Variants in PTPRM observed in about 807,000 individuals in gnomAD.
PTPRM encodes the protein protein tyrosine phosphatase receptor type M, also known as receptor-type tyrosine-protein phosphatase mu.
PTPRM carries 47 observed loss-of-function variants against 186.7 expected under a neutral mutation model. The observed-to-expected ratio is 0.25, with a 90% CI of 0.20 to 0.32. PTPRM has a LOEUF of 0.32. Ranked by LOEUF, PTPRM falls within the 10% of genes least tolerant of loss-of-function variation. The probability of loss-of-function intolerance (pLI) is 1.00; values close to 1 mark genes in which losing one functional copy is unlikely to be tolerated. For synonymous variants in PTPRM, 668 were observed against 674.9 expected (o/e 0.99, Z 0.16); for missense variants, 1,494 against 1,865.0 (o/e 0.80, Z 3.66).
At chr18:7,812,434 G>A (rs2044574761) in intron 2 of PTPRM, among the ~76,000 whole-genome samples, 1 of 152,164 alleles carries the variant, frequency 6.6e-6, no homozygotes, top group African/African-American at 2.4e-5. Context: ...ACATTTGTGG[G>A]ACTGATGGTG....
intron 5 of PTPRM, among the ~76,000 whole-genome samples, chr18:7,930,699 C>T (rs961472767): frequency 1.3e-5 from 2 of 152,068 alleles, no homozygotes; most frequent in Non-Finnish European, 2.9e-5. Flanking sequence ...ATCAAGGTGC[C>T]ATCCTGACCG....
chr18:7,846,203 TCA>T (rs2145888676), intron 2 of PTPRM, among the ~76,000 whole-genome samples: 1 of 152,276 alleles, frequency 6.6e-6, no homozygotes, highest in East Asian at 1.9e-4. Context: ...GAGTGTCCAC[TCA>T]CACGCCTGAA....
intron 19 of PTPRM, among the ~76,000 whole-genome samples, chr18:8,283,053 A>T (rs1036754579): frequency 2.2e-4 from 33 of 152,178 alleles, no homozygotes; most frequent in African/African-American, 8.0e-4. Context: ...AGACTAGTGG[A>T]TTCCAGGAAT....
chr18:8,031,190 C>T (rs899059811), intron 7 of PTPRM, among the ~76,000 whole-genome samples: 1 of 152,210 alleles, frequency 6.6e-6, no homozygotes, highest in Non-Finnish European at 1.5e-5. Context: ...GCTAATCACA[C>T]TCTTAAATCT....
intron 7 of PTPRM, among the ~76,000 whole-genome samples, chr18:8,043,163 T>C (rs1287227318): frequency 6.6e-6 from 1 of 152,146 alleles, no homozygotes; most frequent in East Asian, 1.9e-4. Flanking sequence ...GTATAGCCTG[T>C]TTTATCTTGG....
intron 13 of PTPRM, among the ~76,000 whole-genome samples, chr18:8,128,269 T>G (rs1047540906): frequency 1.3e-5 from 2 of 152,184 alleles, no homozygotes; most frequent in East Asian, 3.8e-4. Flanking sequence ...AAATGTAGTA[T>G]TCTGTAAATA....
chr18:8,320,755 C>T (rs2095340747), intron 22 of PTPRM, among the ~76,000 whole-genome samples: 1 of 152,170 alleles, frequency 6.6e-6, no homozygotes, highest in Non-Finnish European at 1.5e-5. Context: ...CACTAGGTTA[C>T]TCTGCACTCA....
At chr18:8,053,830 G>C (rs2087689748) in intron 7 of PTPRM, among the ~76,000 whole-genome samples, 2 of 152,136 alleles carry the variant, frequency 1.3e-5, no homozygotes, top group Middle Eastern at 3.4e-3. Flanking sequence ...TTTCAATGAG[G>C]TTTTGGATTT....
At chr18:7,954,660 A>G (rs1176680467) in intron 6 of PTPRM, among the ~76,000 whole-genome samples, 1 of 152,090 alleles carries the variant, frequency 6.6e-6, no homozygotes, top group East Asian at 1.9e-4. Context: ...GAGAACTTTT[A>G]CCAGTTAACT....
rs2034993 is a variant in PTPRM, at chr18:8,338,248, A to G, written c.2957-5175A>G. Among the ~76,000 whole-genome samples, 1,391 of 151,964 alleles carry G rather than the reference A, an allele frequency of 9.2e-3. 28 individuals carry two copies. Among genetic ancestry groups the G allele is most frequent in the African/African-American group, 0.032 (1,324 of 41,430 alleles). On this transcript the variant is annotated intron_variant, in intron 22 of 32. Coordinates refer to ENST00000580170, the MANE Select transcript of PTPRM (RefSeq NM_001105244.2). ...AGTTAAAGGAGGGAAGTGACCTGAG[A>G]TCATGTACCCTAGAACTTAAAGTAT...
intron 7 of PTPRM, among the ~76,000 whole-genome samples, chr18:8,028,183 G>A (rs1042670154): frequency 6.6e-6 from 1 of 152,160 alleles, no homozygotes; most frequent in African/African-American, 2.4e-5. Context: ...TTTACTTTTA[G>A]TAGAGATGGG....
chr18:8,126,019 A>ATTTTTTT lies in PTPRM; in HGVS notation c.2167+11193_2167+11194insTTTTTTT, dbSNP rs1446326423. 2.0e-3 allele frequency among the ~76,000 whole-genome samples: 65 copies of ATTTTTTT among 31,856 alleles called. 4 individuals are homozygous for ATTTTTTT. The highest frequency in any genetic ancestry group is 0.022 in the Middle Eastern group (1 of 46). 20.9% of individuals were successfully genotyped at this position (31,856 alleles called of 152,430 possible). The stretch of plus-strand genomic sequence containing the variant: ...TATATATATATATATATATATATAT[A>ATTTTTTT]TATATATATTTTAAATCAGTAGACC... On this transcript the variant is annotated intron_variant, in intron 13 of 32. Transcript: ENST00000580170.
At chr18:8,366,822 G>A (rs1226814500) in intron 23 of PTPRM, 1 of 152,222 alleles carries the variant, frequency 6.6e-6, no homozygotes, top group East Asian at 1.9e-4. Context: ...TCTGTTTCTG[G>A]ACCTTGCTTT....
chr18:8,372,174 C>G (rs1005105015), intron 24 of PTPRM, among the ~76,000 whole-genome samples: 4 of 145,406 alleles, frequency 2.8e-5, no homozygotes, highest in African/African-American at 5.1e-5. Flanking sequence ...CGGGTTCACG[C>G]CATTCTCCTG....
At chr18:8,329,372 T>G (rs1459115086) in intron 22 of PTPRM, among the ~76,000 whole-genome samples, 2 of 152,250 alleles carry the variant, frequency 1.3e-5, no homozygotes, top group African/African-American at 2.4e-5. Context: ...AACGTTCATA[T>G]TTTAATAGAG....
chr18:7,792,887 A>G (rs1374409753), intron 2 of PTPRM, among the ~76,000 whole-genome samples: 2 of 151,874 alleles, frequency 1.3e-5, no homozygotes, highest in East Asian at 3.9e-4. Flanking sequence ...TTGTTCTCAA[A>G]CTCTTGGGCT....
At chr18:7,988,147 T>G (rs911343561) in intron 7 of PTPRM, among the ~76,000 whole-genome samples, 1 of 152,098 alleles carries the variant, frequency 6.6e-6, no homozygotes, top group African/African-American at 2.4e-5. Context: ...ATCATGCTAC[T>G]GCACTCCAGC....
intron 2 of PTPRM, among the ~76,000 whole-genome samples, chr18:7,854,688 G>A (rs1441744719): frequency 6.6e-6 from 1 of 151,274 alleles, no homozygotes; most frequent in Non-Finnish European, 1.5e-5. Context: ...TTGAGAGAGT[G>A]GAAGACTTAA....
intron 5 of PTPRM, among the ~76,000 whole-genome samples, chr18:7,931,668 T>C (rs1209487169): frequency 6.6e-6 from 1 of 152,212 alleles, no homozygotes; most frequent in Non-Finnish European, 1.5e-5. Context: ...GCCACTGCAC[T>C]CCGTCTCAAA....
Sources: gnomAD v4.1 joint callset for allele counts (sites outside exome capture counted in the v4.1 genomes callset) on GRCh38, gnomAD v4.1.1 for gene constraint, MANE v1.5 for transcripts, NCBI Gene and HGNC (gene_info 2026-07-23, HGNC 2026-07-21) for gene names.